Variants in HPS1 observed in about 807,000 individuals in gnomAD.
HPS1 encodes the protein HPS1 biogenesis of lysosomal organelles complex 3 subunit 1, also known as BLOC-3 complex member HPS1.
HPS1 carries 59 observed loss-of-function variants against 90.6 expected under a neutral mutation model. That is an observed-to-expected ratio of 0.65 (90% CI 0.53 to 0.81). The LOEUF (loss-of-function observed/expected upper bound fraction) is 0.81. Ranked by LOEUF, HPS1 falls within the 30% of genes least tolerant of loss-of-function variation. The pLI is 0.00. For synonymous variants in HPS1, 388 were observed against 384.4 expected, an observed-to-expected ratio of 1.01 and a Z score of -0.11; for missense variants, 849 against 896.7, an observed-to-expected ratio of 0.95 and a Z score of 0.68.
rs1332435913 is a variant in HPS1 at position 98,416,968 on chromosome 10, G to A, written c.*596C>T. ...CCAAGCATGAAGGGGCTGGGACTTA[G>A]CAAGGGCTTATCAGCACTGACAGAA... On this transcript the variant is annotated 3_prime_UTR_variant, in exon 20 of 20. Coordinates refer to ENST00000361490, the MANE Select transcript of HPS1 (RefSeq NM_000195.5). The A allele has an allele frequency of 6.6e-6, 1 of 152,470 alleles. No individual in the cohort carries two copies. The highest frequency in any genetic ancestry group is 1.5e-5 in the Non-Finnish European group (1 of 68,098). The allele number at this position is 152,470 out of a possible 1,614,324, so 9.4% of individuals were successfully genotyped here. A position where few individuals can be genotyped will look rare whatever the true frequency, so the allele number is the denominator to read the frequency against.
At chr10:98,439,485 A>G (rs1466624466) in intron 3 of HPS1, among the ~76,000 whole-genome samples, 6 of 152,168 alleles carry the variant, frequency 3.9e-5, no homozygotes, top group African/African-American at 1.4e-4. Context: ...TTAAGATTTG[A>G]CTGCCCCACT....
Position 98,443,193 on chromosome 10 carries a change from G to A in HPS1, c.48C>T (p.Tyr16=), listed in dbSNP as rs772838564. The A allele has an allele frequency of 6.2e-7, 1 of 1,614,076 alleles. No individual in the cohort carries two copies. The highest frequency in any genetic ancestry group is 1.7e-5 in the Admixed American group (1 of 60,004). Reference sequence around the variant, plus strand: ...TCTCTTCAAACTCCTGATCTGTCCAGTAGAAGAGGACCTCTGCGCCCTCAG... The same window carrying A: ...TCTCTTCAAACTCCTGATCTGTCCAATAGAAGAGGACCTCTGCGCCCTCAG... ...VATEGAEVLF[Y]WTDQEFEESL... The change falls in exon 3 of 20, where the codon TAC becomes TAT. Residue 16 remains tyrosine, a synonymous_variant. Coordinates refer to ENST00000361490, the MANE Select transcript of HPS1 (RefSeq NM_000195.5).
Position 98,425,927 on chromosome 10 carries a change from C to T in HPS1, c.1046G>A (p.Arg349Lys), listed in dbSNP as rs1296633594. The stretch of plus-strand genomic sequence containing the variant: ...CACGTTGGCATCCAGGAAGATCCTT[C>T]TGGGGCCGGAAGGCACAGGGCAGTG... ...VPHCPVPSGP[R>K]RIFLDANVKE... Residue 349 changes from arginine (R) to lysine (K), a missense_variant, in exon 12 of 20, where the codon AGA (arginine) becomes AAA (lysine). By Grantham distance (26) the Arg-to-Lys change is conservative. Transcript: ENST00000361490. The T allele has an allele frequency of 1.1e-5, 18 of 1,614,006 alleles. No individual in the cohort carries two copies. Among genetic ancestry groups the T allele is most frequent in the African/African-American group, 2.7e-5 (2 of 74,920 alleles).
chr10:98,435,032 A>G lies in HPS1; in HGVS notation c.398+240T>C. ...TCAAATATCCAGTTTGGATGTGGCC[A>G]CCAACCAGCTAGATGACCCCAGGCA... On this transcript the variant is annotated intron_variant, in intron 5 of 19. Coordinates refer to ENST00000361490, the MANE Select transcript of HPS1 (RefSeq NM_000195.5). The surrounding 1 kb of genome is among the most constrained non-coding windows in gnomAD (Gnocchi z 4.3). 1 of 547,456 alleles carries G rather than the reference A, an allele frequency of 1.8e-6. No individual in the cohort carries two copies. The highest frequency in any genetic ancestry group is 2.0e-5 in the South Asian group (1 of 50,184). 33.9% of individuals were successfully genotyped at this position (547,456 alleles called of 1,614,324 possible). A position where few individuals can be genotyped will look rare whatever the true frequency, so the allele number is the denominator to read the frequency against.
rs1479296231 is a variant in HPS1 at position 98,445,786 on chromosome 10, G to GA, written c.-105-383dup. Among the ~76,000 whole-genome samples, 1 of 152,206 alleles carries GA rather than the reference G, an allele frequency of 6.6e-6. No individual in the cohort carries two copies. Among genetic ancestry groups the GA allele is most frequent in the Admixed American group, 6.5e-5 (1 of 15,288 alleles). On this transcript the variant is annotated intron_variant, in intron 1 of 19. Coordinates refer to ENST00000361490, the MANE Select transcript of HPS1 (RefSeq NM_000195.5). This position sits in a 1 kb window ranked among gnomAD's most constrained non-coding sequence, Gnocchi z 4.5. ...ATGCAGTCCCGGTGAAGGGAGTGGG[G>GA]ATCCTGGGATGATACGATGAATGGA... is the stretch of plus-strand genomic sequence containing the variant.
chr10:98,414,532 T>C (rs564175574), downstream of HPS1, among the ~76,000 whole-genome samples: 3 of 152,260 alleles, frequency 2.0e-5, no homozygotes, highest in Admixed American at 2.0e-4. Flanking sequence ...CTTTATGAAA[T>C]GACTGCAGTT....
chr10:98,435,624 T>C lies in HPS1; in HGVS notation c.255+11A>G, dbSNP rs776076446. ...GGAAGAGGAACATGGGCCCCAGAGC[T>C]ATAGACTCACCAGGTGAAGGACATA... On this transcript the variant is annotated intron_variant, in intron 4 of 19. Transcript: ENST00000361490. The surrounding 1 kb of genome is among the most constrained non-coding windows in gnomAD (Gnocchi z 4.3). 6.2e-6 allele frequency: 10 copies of C among 1,613,880 alleles called. No homozygotes were observed. The highest frequency in any genetic ancestry group is 8.5e-6 in the Non-Finnish European group (10 of 1,179,982).
chr10:98,415,230 A>T (rs1843970745), downstream of HPS1: 2 of 1,472,572 alleles, frequency 1.4e-6, no homozygotes, highest in Non-Finnish European at 1.8e-6. Context: ...AGGAAGCAGG[A>T]AGAGGAGGAG....
At position 98,420,133 on chromosome 10, in the gene HPS1, C is replaced by T. The variant is rs762120872; in HGVS notation, c.1769G>A (p.Arg590His). Reference protein sequence around the residue: ...TKVWSLIQLARRYLQKGYTTL... With the variant: ...TKVWSLIQLAHRYLQKGYTTL... ...GGTGTAGCCCTTCTGCAGGTATCTG[C>T]GCGCCAGCTGGATCAGAGACCAGAC... The change falls in exon 18 of 20, where the codon CGC (arginine) becomes CAC (histidine). Residue 590 changes from arginine (R) to histidine (H), a missense_variant. Transcript: ENST00000361490. 1.1e-5 allele frequency: 18 copies of T among 1,613,544 alleles called. No individual in the cohort carries two copies. The highest frequency in any genetic ancestry group is 2.2e-5 in the East Asian group (1 of 44,886).
Position 98,435,537 on chromosome 10 carries a change from G to A in HPS1, c.255+98C>T. ...GCGGGTTTGATAAGATGCCGTTTCT[G>A]CCTTCTAAAGGAGTCTAAAGTTCCA... On this transcript the variant is annotated intron_variant, in intron 4 of 19. Coordinates refer to ENST00000361490, the MANE Select transcript of HPS1 (RefSeq NM_000195.5). This position sits in a 1 kb window ranked among gnomAD's most constrained non-coding sequence, Gnocchi z 4.3. The A allele has an allele frequency of 6.2e-7, 1 of 1,605,974 alleles. No homozygotes were observed. The highest frequency in any genetic ancestry group is 1.3e-5 in the African/African-American group (1 of 74,798).
intron 13 of HPS1, 114 bp from the exon 14 acceptor site, chr10:98,424,488 GC>G (rs1212908902): frequency 2.2e-6 from 2 of 890,054 alleles, no homozygotes; most frequent in Non-Finnish European, 3.6e-6. Context: ...AGACAAATCT[GC>G]CCTTCTGGCC....
chr10:98,443,142 T>C lies in HPS1; in HGVS notation c.99A>G (p.Ser33=). 1 of 1,613,312 alleles carries C rather than the reference T, an allele frequency of 6.2e-7. No homozygotes were observed. Among genetic ancestry groups the C allele is most frequent in the Non-Finnish European group, 8.5e-7 (1 of 1,179,276 alleles). The stretch of plus-strand genomic sequence containing the variant: ...CACTCACCTCTTCTTCCTCATTCTC[T>C]GACTGCCCGAACTTCAGCCGGAGAC... The part of the protein sequence containing the change: ...EESLRLKFGQ[S]ENEEEELPAL... Residue 33 remains serine, a synonymous_variant, in exon 3 of 20, where the codon TCA becomes TCG. Transcript: ENST00000361490.
intron 16 of HPS1, 57 bp from the exon 17 acceptor site, chr10:98,422,570 T>C (rs1407832244): frequency 4.5e-6 from 7 of 1,569,770 alleles, no homozygotes; most frequent in Non-Finnish European, 6.1e-6. Context: ...CCTGCCTCTG[T>C]CCTGGGCTTC....
intron 6 of HPS1, among the ~76,000 whole-genome samples, chr10:98,432,515 G>A (rs1846623309): frequency 6.6e-6 from 1 of 152,138 alleles, no homozygotes; most frequent in African/African-American, 2.4e-5. Flanking sequence ...CTATTTTCCA[G>A]CTCATTAATT....
intron 10 of HPS1, 91 bp downstream of exon 10, chr10:98,429,482 C>CG: frequency 6.2e-7 from 1 of 1,605,258 alleles, no homozygotes; most frequent in Non-Finnish European, 8.5e-7. Context: ...TTAGGAGGCA[C>CG]GGGGGTCCAC....
At chr10:98,414,495 A>C (rs1450866505), downstream of HPS1, among the ~76,000 whole-genome samples, 1 of 152,014 alleles carries the variant, frequency 6.6e-6, no homozygotes, top group Non-Finnish European at 1.5e-5. Context: ...GAACTCTGGG[A>C]CTCAGTTCTG....
intron 3 of HPS1, among the ~76,000 whole-genome samples, chr10:98,441,059 G>T (rs1156833950): frequency 1.3e-5 from 2 of 152,144 alleles, no homozygotes; most frequent in African/African-American, 4.8e-5. Flanking sequence ...GATGGTAAAT[G>T]GACTCCCTGA....
At chr10:98,424,819 G>A (rs555848524) in intron 13 of HPS1, among the ~76,000 whole-genome samples, 1 of 152,246 alleles carries the variant, frequency 6.6e-6, no homozygotes, top group African/African-American at 2.4e-5. Context: ...TAGTGAAAGT[G>A]CTCCTTAGGA....
At chr10:98,427,348 G>A (rs896115591) in intron 10 of HPS1, 84 bp from the exon 11 acceptor site, 42 of 1,210,132 alleles carry the variant, frequency 3.5e-5, no homozygotes, top group Non-Finnish European at 5.0e-5. Flanking sequence ...GGGGGCCCAG[G>A]TGCCCCCCAC....
Sources: allele counts gnomAD v4.1 joint callset (sites outside exome capture counted in the v4.1 genomes callset), GRCh38; gene constraint gnomAD v4.1.1; non-coding constraint Gnocchi (gnomAD v3.1); transcripts MANE v1.5; gene names NCBI Gene and HGNC (gene_info 2026-07-23, HGNC 2026-07-21).